Variants in TCERG1L observed in about 807,000 individuals in gnomAD.
TCERG1L encodes transcription elongation regulator 1-like protein.
A neutral mutation model predicts 56.3 loss-of-function variants in TCERG1L; 37 were observed. That is an observed-to-expected ratio of 0.66 (90% CI 0.51 to 0.87). TCERG1L has a LOEUF of 0.87. Among genes scored for constraint, TCERG1L ranks in the 40% least tolerant of loss-of-function variants. The probability of loss-of-function intolerance (pLI) is 0.00; values close to 1 mark genes in which losing one functional copy is unlikely to be tolerated. For missense variants in TCERG1L, 799 were observed against 774.2 expected (o/e 1.03, Z -0.38); for synonymous variants, 324 against 326.3 (o/e 0.99, Z 0.08).
intron 10 of TCERG1L, among the ~76,000 whole-genome samples, chr10:131,104,029 T>G (rs1182730094): frequency 1.3e-5 from 2 of 152,372 alleles, no homozygotes; most frequent in East Asian, 1.9e-4. Context: ...AATTTACATG[T>G]TCATCTTTAA....
intron 4 of TCERG1L, among the ~76,000 whole-genome samples, chr10:131,206,629 G>A (rs959209407): frequency 1.3e-5 from 2 of 152,194 alleles, no homozygotes; most frequent in Admixed American, 1.3e-4. Context: ...GAGGTCACGT[G>A]TTCCCAAAGG....
chr10:131,180,304 G>A (rs1471140893), intron 4 of TCERG1L, among the ~76,000 whole-genome samples: 1 of 152,220 alleles, frequency 6.6e-6, no homozygotes, highest in African/African-American at 2.4e-5. Flanking sequence ...ACGCAGGAGC[G>A]AGGCCAGCTC....
At chr10:131,283,760 T>A (rs1420671779) in intron 3 of TCERG1L, among the ~76,000 whole-genome samples, 1 of 152,064 alleles carries the variant, frequency 6.6e-6, no homozygotes, top group East Asian at 1.9e-4. Context: ...TTGACATAAA[T>A]GAAGAGAGAC....
chr10:131,296,339 A>T (rs2133578300), intron 3 of TCERG1L, among the ~76,000 whole-genome samples: 1 of 152,324 alleles, frequency 6.6e-6, no homozygotes, highest in South Asian at 2.1e-4. Context: ...AGACAGACAG[A>T]TGTTCACTTG....
chr10:131,155,977 A>T (rs1205338822), intron 6 of TCERG1L: 1 of 152,228 alleles, frequency 6.6e-6, no homozygotes, highest in Non-Finnish European at 1.5e-5. Context: ...CAATTATGCA[A>T]AAGGGCCGAA....
At chr10:131,233,009 C>T (rs1845868802) in intron 4 of TCERG1L, among the ~76,000 whole-genome samples, 1 of 152,214 alleles carries the variant, frequency 6.6e-6, no homozygotes, top group African/African-American at 2.4e-5. Flanking sequence ...TTAAATATCA[C>T]AAGTAGGTCT....
In TCERG1L at chr10:131,311,487, A is replaced by C; in HGVS notation, c.149T>G (p.Leu50Arg). The C allele has an allele frequency of 8.4e-7, 1 of 1,193,886 alleles. No homozygotes were observed. The allele number at this position is 1,193,886 out of a possible 1,614,324, so 74.0% of individuals were successfully genotyped here. A position where few individuals can be genotyped will look rare whatever the true frequency, so the allele number is the denominator to read the frequency against. ...VWMVPGSAGL[L>R]RLSAGVVVPP... ...AACCACGACCCCCGCGCTGAGCCGG[A>C]GCAGCCCGGCCGAGCCCGGCACCAT... Residue 50 changes from leucine to arginine, a missense_variant, in exon 1 of 12, where the codon CTC becomes CGC. By Grantham distance (102) the Leu-to-Arg change is moderately radical. Transcript: ENST00000368642. This position sits in a 1 kb window ranked among gnomAD's most constrained non-coding sequence, Gnocchi z 4.0.
rs1473147497 is a variant in TCERG1L, at chr10:131,163,171, C to G, written c.985G>C (p.Ala329Pro). The change falls in exon 6 of 12, where the codon GCC becomes CCC. Residue 329 changes from alanine to proline, a missense_variant. By Grantham distance (27) the Ala-to-Pro change is conservative (BLOSUM62 -1). Coordinates refer to ENST00000368642, the MANE Select transcript of TCERG1L (RefSeq NM_174937.4). Reference protein sequence around the residue: ...PMLGGGEDSTARGNRPVASTP... With the variant: ...PMLGGGEDSTPRGNRPVASTP... ...GAGGCCACTGGCCTGTTGCCTCTGG[C>G]TGTGCTGTCCTCTCCTCCCCCCAGC... The G allele has an allele frequency of 1.9e-6, 3 of 1,572,408 alleles. No homozygotes were observed. Among genetic ancestry groups the G allele is most frequent in the African/African-American group, 2.7e-5 (2 of 74,320 alleles).
intron 4 of TCERG1L, among the ~76,000 whole-genome samples, chr10:131,204,040 T>A (rs545890516): frequency 6.6e-6 from 1 of 152,180 alleles, no homozygotes; most frequent in Non-Finnish European, 1.5e-5. Context: ...AGAGCCCTCA[T>A]GGATGGAATG....
At chr10:131,226,653 A>G (rs770339327) in intron 4 of TCERG1L, among the ~76,000 whole-genome samples, 4 of 152,216 alleles carry the variant, frequency 2.6e-5, no homozygotes, top group Admixed American at 6.5e-5. Flanking sequence ...AGGGAGGGAA[A>G]CACAGCCCCA....
chr10:131,217,560 C>T (rs1439778483), intron 4 of TCERG1L, among the ~76,000 whole-genome samples: 1 of 152,086 alleles, frequency 6.6e-6, no homozygotes, highest in African/African-American at 2.4e-5. Context: ...AAGGAAAAGC[C>T]TCTCATCCAG....
Position 131,249,497 on chromosome 10 carries a change from C to T in TCERG1L, c.856+10762G>A, listed in dbSNP as rs549858405. On this transcript the variant is annotated intron_variant, in intron 4 of 11. Coordinates refer to ENST00000368642, the MANE Select transcript of TCERG1L (RefSeq NM_174937.4). ...CCAGCAGCTGTTTAAAGCAGCATCCCTGAGTCCCTGGAGGACAGTGGCCCT... is the reference window on the plus strand; with the variant it reads ...CCAGCAGCTGTTTAAAGCAGCATCCTTGAGTCCCTGGAGGACAGTGGCCCT... Among the ~76,000 whole-genome samples the T allele has an allele frequency of 5.3e-5, 8 of 152,354 alleles. No homozygotes were observed. In the East Asian group the frequency reaches 1.4e-3, roughly 26 times the overall value.
At chr10:131,282,655 A>G (rs1277938948) in intron 3 of TCERG1L, among the ~76,000 whole-genome samples, 1 of 152,240 alleles carries the variant, frequency 6.6e-6, no homozygotes, top group Non-Finnish European at 1.5e-5. Context: ...CCCAGCACAT[A>G]TACCAGTACA....
At chr10:131,255,616 T>C (rs1217765567) in intron 4 of TCERG1L, among the ~76,000 whole-genome samples, 1 of 152,222 alleles carries the variant, frequency 6.6e-6, no homozygotes, top group East Asian at 1.9e-4. Flanking sequence ...GCGTGCATGA[T>C]ATATTTCCAC....
intron 9 of TCERG1L, among the ~76,000 whole-genome samples, chr10:131,105,791 G>T (rs958667107): frequency 6.6e-6 from 1 of 152,202 alleles, no homozygotes; most frequent in Non-Finnish European, 1.5e-5. Context: ...CGGACTCATG[G>T]ATACTCAGCC....
At chr10:131,160,770 A>T (rs1301232595) in intron 6 of TCERG1L, 2 of 152,192 alleles carry the variant, frequency 1.3e-5, no homozygotes, top group Non-Finnish European at 2.9e-5. Context: ...GAGGGAGGGG[A>T]GTGCAGCAGC....
Position 131,107,715 on chromosome 10 carries a change from G to T in TCERG1L, c.1396-3361C>A, listed in dbSNP as rs781499610. Among the ~76,000 whole-genome samples, 4 of 150,750 alleles carry T rather than the reference G, an allele frequency of 2.7e-5. No individual in the cohort carries two copies. The South Asian group carries it at 8.4e-4, about 32-fold the overall frequency. ...CAGAGAGTACATTCCATGGGGCCACGATTGCACACATGTGTGTGACTATAC... is the reference window on the plus strand; with the variant it reads ...CAGAGAGTACATTCCATGGGGCCACTATTGCACACATGTGTGTGACTATAC... On this transcript the variant is annotated intron_variant, in intron 9 of 11. Transcript: ENST00000368642.
At chr10:131,164,894 A>G (rs897016714) in intron 5 of TCERG1L, among the ~76,000 whole-genome samples, 1 of 152,200 alleles carries the variant, frequency 6.6e-6, no homozygotes, top group Non-Finnish European at 1.5e-5. Flanking sequence ...AACATCAGCC[A>G]TGCACAGGAG....
At chr10:131,148,732 C>T (rs1180424142) in intron 6 of TCERG1L, among the ~76,000 whole-genome samples, 1 of 152,212 alleles carries the variant, frequency 6.6e-6, no homozygotes, top group Admixed American at 6.5e-5. Flanking sequence ...ATGGAAAAGG[C>T]AGGAAATGGA....
Sources: gnomAD v4.1 joint callset for allele counts (sites outside exome capture counted in the v4.1 genomes callset) on GRCh38, gnomAD v4.1.1 for gene constraint, Gnocchi (gnomAD v3.1) non-coding constraint, MANE v1.5 for transcripts, NCBI Gene and HGNC (gene_info 2026-07-23, HGNC 2026-07-21) for gene names.